The following CNTNAP5 variants were observed in gnomAD, a reference collection of about 807,000 sequenced individuals.
The protein encoded by CNTNAP5 is contactin-associated protein-like 5.
A neutral mutation model predicts 150.2 loss-of-function variants in CNTNAP5; 72 were observed. That is an observed-to-expected ratio of 0.48 (90% confidence interval 0.40 to 0.58). The LOEUF is 0.58. Ranked by LOEUF, CNTNAP5 falls within the 20% of genes least tolerant of loss-of-function variation. The pLI, the probability that CNTNAP5 is intolerant of heterozygous loss-of-function variation, is 0.00. For synonymous variants in CNTNAP5, 672 were observed against 619.8 expected (o/e 1.08, Z -1.25); for missense variants, 1,636 against 1,626.2 (o/e 1.01, Z -0.10).
chr2:124,849,197 T>A (rs1335964841), intron 19 of CNTNAP5, among the ~76,000 whole-genome samples: 1 of 152,150 alleles, frequency 6.6e-6, no homozygotes, highest in Admixed American at 6.5e-5. Flanking sequence ...TATGTGTGTA[T>A]CTATCTTTTC....
chr2:124,227,611 T>C (rs144075640), intron 2 of CNTNAP5, among the ~76,000 whole-genome samples: 19 of 151,490 alleles, frequency 1.3e-4, no homozygotes, highest in East Asian at 7.8e-4. Flanking sequence ...ATAGGTCTTA[T>C]ACAAATATAA....
At chr2:124,551,800 T>C (rs1342464585) in intron 10 of CNTNAP5, among the ~76,000 whole-genome samples, 1 of 152,208 alleles carries the variant, frequency 6.6e-6, no homozygotes, top group Non-Finnish European at 1.5e-5. Context: ...CAGTCTGTTA[T>C]GGGAAATGGA....
chr2:124,832,003 AT>A (rs1330286571), intron 19 of CNTNAP5, among the ~76,000 whole-genome samples: 1 of 152,044 alleles, frequency 6.6e-6, no homozygotes, highest in East Asian at 1.9e-4. Context: ...GGTTGTTTTC[AT>A]TAAACCAACA....
intron 20 of CNTNAP5, among the ~76,000 whole-genome samples, chr2:124,868,153 G>A (rs1677670890): frequency 6.6e-6 from 1 of 152,090 alleles, no homozygotes; most frequent in South Asian, 2.1e-4. Flanking sequence ...AGGTTCCCTG[G>A]CTGTCTATCC....
chr2:124,599,592 T>C (rs1342443236), intron 11 of CNTNAP5, among the ~76,000 whole-genome samples: 2 of 152,224 alleles, frequency 1.3e-5, no homozygotes, highest in African/African-American at 4.8e-5. Flanking sequence ...ATGTGGAAGA[T>C]GGGAAGATAT....
chr2:124,208,383 A>G lies in CNTNAP5; in HGVS notation c.83-13322A>G, dbSNP rs192497569. Among the ~76,000 whole-genome samples, 379 of 152,354 alleles carry G rather than the reference A, an allele frequency of 2.5e-3. 1 individual carries two copies. Among genetic ancestry groups the G allele is most frequent in the Non-Finnish European group, 4.3e-3 (290 of 68,024 alleles). Reference sequence around the variant, plus strand: ...AAGGTGGTATTTCCAAAATTCATATAAGGAACTCTCAATAATTTATACTTA... The same window carrying G: ...AAGGTGGTATTTCCAAAATTCATATGAGGAACTCTCAATAATTTATACTTA... On this transcript the variant is annotated intron_variant, in intron 1 of 23. Coordinates refer to ENST00000682447, the MANE Select transcript of CNTNAP5 (RefSeq NM_001367498.1).
chr2:124,590,501 T>C (rs1696655070), intron 11 of CNTNAP5, among the ~76,000 whole-genome samples: 1 of 152,210 alleles, frequency 6.6e-6, no homozygotes, highest in African/African-American at 2.4e-5. Flanking sequence ...TTTTCTTTTC[T>C]TCACTGAAAT....
At chr2:124,873,061 T>G (rs144846491) in intron 21 of CNTNAP5, among the ~76,000 whole-genome samples, 1 of 151,334 alleles carries the variant, frequency 6.6e-6, no homozygotes, top group East Asian at 1.9e-4. Context: ...GAAAAAATGT[T>G]TAATTGACTT....
intron 19 of CNTNAP5, among the ~76,000 whole-genome samples, chr2:124,819,767 A>G (rs1356366270): frequency 6.6e-6 from 1 of 152,176 alleles, no homozygotes; most frequent in African/African-American, 2.4e-5. Context: ...ACAGACATTG[A>G]GAAATAGAGA....
chr2:124,412,303 C>T (rs988764861), intron 3 of CNTNAP5, among the ~76,000 whole-genome samples: 233 of 150,036 alleles, frequency 1.6e-3, no homozygotes, highest in African/African-American at 5.2e-3. Flanking sequence ...GGCCATACTG[C>T]CCAAGGTAAT....
At chr2:124,109,801 A>G (rs1222890752) in intron 1 of CNTNAP5, among the ~76,000 whole-genome samples, 1 of 152,214 alleles carries the variant, frequency 6.6e-6, no homozygotes, top group African/African-American at 2.4e-5. Context: ...ACCAGGAAGA[A>G]AGTAAAATAT....
intron 3 of CNTNAP5, among the ~76,000 whole-genome samples, chr2:124,404,060 G>A (rs1691504189): frequency 6.6e-6 from 1 of 152,120 alleles, no homozygotes; most frequent in Admixed American, 6.5e-5. Context: ...GATTTTGGTG[G>A]GGACACAGCC....
chr2:124,287,002 A>T (rs1312177238), intron 3 of CNTNAP5, among the ~76,000 whole-genome samples: 1 of 152,150 alleles, frequency 6.6e-6, no homozygotes, highest in African/African-American at 2.4e-5. Context: ...CATGGCTCAG[A>T]TGTATGGGAT....
chr2:124,126,721 T>C (rs1228315396), intron 1 of CNTNAP5, among the ~76,000 whole-genome samples: 1 of 152,094 alleles, frequency 6.6e-6, no homozygotes. Flanking sequence ...ATGATCAAGT[T>C]GGCCTCATCC....
chr2:124,675,747 G>A (rs1451085006), intron 13 of CNTNAP5, among the ~76,000 whole-genome samples: 16 of 152,038 alleles, frequency 1.1e-4, no homozygotes, highest in East Asian at 3.9e-4. Context: ...CTTATTTGTC[G>A]AGATATTGTT....
intron 21 of CNTNAP5, among the ~76,000 whole-genome samples, chr2:124,876,488 G>A (rs1677863572): frequency 6.6e-6 from 1 of 151,728 alleles, no homozygotes; most frequent in Non-Finnish European, 1.5e-5. Flanking sequence ...TGCAGTTATA[G>A]CCATGGGCTA....
At chr2:124,444,505 G>C (rs1187620093) in intron 5 of CNTNAP5, among the ~76,000 whole-genome samples, 1 of 152,112 alleles carries the variant, frequency 6.6e-6, no homozygotes, top group Non-Finnish European at 1.5e-5. Flanking sequence ...TGAGGCAGGA[G>C]AATCGCTTGA....
intron 3 of CNTNAP5, among the ~76,000 whole-genome samples, chr2:124,340,809 G>GTATA (rs138288829): frequency 0.17 from 23,869 of 142,794 alleles, 2,051 homozygotes; most frequent in Non-Finnish European, 0.2. Flanking sequence ...ATGTATACAT[G>GTATA]TATATATATA....
chr2:124,902,850 T>C, intron 21 of CNTNAP5, 32 bp from the exon 22 acceptor site: 1 of 1,521,010 alleles, frequency 6.6e-7, no homozygotes, highest in Non-Finnish European at 9.0e-7. Flanking sequence ...ACAAAAAAAG[T>C]AAAGGACTTC....
Sources: gnomAD v4.1 joint callset for allele counts (sites outside exome capture counted in the v4.1 genomes callset) on GRCh38, gnomAD v4.1.1 for gene constraint, MANE v1.5 for transcripts, NCBI Gene and HGNC (gene_info 2026-07-23, HGNC 2026-07-21) for gene names.